IDO2: variants seen among roughly 807,000 people sequenced by gnomAD.
The protein encoded by IDO2 is indoleamine 2,3-dioxygenase 2, also known as indoleamine 2,3-dioxygenase-like 1 protein.
IDO2 carries 46 observed loss-of-function variants against 45.1 expected under a neutral mutation model. That is an observed-to-expected ratio of 1.02 (90% CI 0.80 to 1.30). IDO2 has a LOEUF of 1.30. Among genes scored for constraint, IDO2 ranks in the 50% most tolerant of loss-of-function variants. The pLI is 0.00. For missense variants in IDO2, 544 were observed against 491.8 expected, an observed-to-expected ratio of 1.11 and a Z score of -1.00; for synonymous variants, 218 against 184.9, an observed-to-expected ratio of 1.18 and a Z score of -1.45.
At chr8:39,962,781 G>A (rs1808019630) in intron 2 of IDO2, among the ~76,000 whole-genome samples, 1 of 152,156 alleles carries the variant, frequency 6.6e-6, no homozygotes, top group African/African-American at 2.4e-5. Context: ...TTCCTACTAT[G>A]CATGTGGGTG....
At chr8:39,935,153 T>C in exon 1 of IDO2, 1 of 1,601,442 alleles carries the variant, frequency 6.2e-7, no homozygotes, top group African/African-American at 1.3e-5. Flanking sequence ...AAAACCTTCT[T>C]AGGAAATGAA....
At chr8:39,967,002 G>T (rs973934253) in intron 3 of IDO2, among the ~76,000 whole-genome samples, 2 of 152,010 alleles carry the variant, frequency 1.3e-5, no homozygotes, top group African/African-American at 2.4e-5. Flanking sequence ...TATATAAAAA[G>T]AACTATTAGA....
intron 5 of IDO2, 153 bp from the exon 6 acceptor site, chr8:39,985,355 T>C: frequency 1.5e-6 from 1 of 652,300 alleles, no homozygotes; most frequent in Non-Finnish European, 2.7e-6. Flanking sequence ...AAAGTAAGTG[T>C]GGATGTGTGT....
At chr8:39,980,796 C>A (rs1808330639) in intron 4 of IDO2, among the ~76,000 whole-genome samples, 1 of 152,148 alleles carries the variant, frequency 6.6e-6, no homozygotes, top group Non-Finnish European at 1.5e-5. Context: ...GTCGCCCAGG[C>A]TAGAGTGCAG....
At chr8:39,969,221 T>C (rs1305777551) in intron 3 of IDO2, among the ~76,000 whole-genome samples, 1 of 152,236 alleles carries the variant, frequency 6.6e-6, no homozygotes, top group African/African-American at 2.4e-5. Flanking sequence ...AACCCCATTT[T>C]TCCAATAGTG....
intron 8 of IDO2, among the ~76,000 whole-genome samples, chr8:39,993,114 C>T (rs1402596914): frequency 6.6e-6 from 1 of 152,168 alleles, no homozygotes; most frequent in East Asian, 1.9e-4. Flanking sequence ...TGTCTGCATC[C>T]AGTCCTTCTT....
chr8:39,973,737 G>T (rs1278098350), intron 3 of IDO2, among the ~76,000 whole-genome samples: 2 of 98,422 alleles, frequency 2.0e-5, no homozygotes, highest in Non-Finnish European at 3.6e-5. Flanking sequence ...CTTGTGTTTC[G>T]TTTTCTTCTT....
chr8:40,013,646 T>G, exon 10 of IDO2: 4 of 1,613,666 alleles, frequency 2.5e-6, no homozygotes, highest in Non-Finnish European at 3.4e-6. Context: ...CCGGCGGGAG[T>G]GCAGCTCAGA....
intron 3 of IDO2, among the ~76,000 whole-genome samples, chr8:39,976,025 G>C (rs1482764246): frequency 3.3e-5 from 5 of 152,068 alleles, no homozygotes; most frequent in Admixed American, 2.6e-4. Flanking sequence ...TGTCCTCCAG[G>C]ATGGAGTGCA....
chr8:39,987,663 G>T, intron 6 of IDO2: 1 of 515,412 alleles, frequency 1.9e-6, no homozygotes, highest in Non-Finnish European at 3.5e-6. Context: ...CTGCCTGTCA[G>T]GTGAACATGA....
intron 2 of IDO2, among the ~76,000 whole-genome samples, chr8:39,961,063 G>T (rs564983161): frequency 1.5e-4 from 23 of 152,156 alleles, no homozygotes; most frequent in Non-Finnish European, 3.2e-4. Flanking sequence ...GATTATAGGC[G>T]TGAGCCACCG....
At chr8:39,949,391 G>T in intron 2 of IDO2, 127 bp downstream of exon 2, 1 of 671,354 alleles carries the variant, frequency 1.5e-6, no homozygotes, top group Non-Finnish European at 2.5e-6. Context: ...ACCTGAGAAA[G>T]ATGCTACAAA....
At chr8:40,008,016 GT>G (rs35025709) in intron 9 of IDO2, among the ~76,000 whole-genome samples, 66 of 118,940 alleles carry the variant, frequency 5.5e-4, no homozygotes, top group Middle Eastern at 5.3e-3. Context: ...CTTATCATGT[GT>G]TTTTTTTTTT....
intron 5 of IDO2, 85 bp from the exon 6 acceptor site, chr8:39,985,423 T>C: frequency 1.7e-6 from 2 of 1,203,524 alleles, no homozygotes; most frequent in Admixed American, 4.3e-5. Context: ...ACCCTAGAAG[T>C]TATTAATATA....
Position 39,979,145 on chromosome 8 carries a change from A to AT in IDO2, c.275dup (p.Met92IlefsTer132). Reference sequence around the variant, plus strand: ...CCACCTGGTCCTGAGCTTCCTCACCATGGGTTATGTCTGGCAGGAAGGAGA... The same window carrying AT: ...CCACCTGGTCCTGAGCTTCCTCACCATTGGGTTATGTCTGGCAGGAAGGAGA... On this transcript the variant is annotated frameshift_variant, in exon 4 of 11. Coordinates refer to ENST00000502986, the Ensembl canonical transcript of IDO2. LOFTEE classifies it high-confidence loss of function. 6.2e-7 allele frequency: 1 copy of AT among 1,602,104 alleles called. No individual in the cohort carries two copies. The highest frequency in any genetic ancestry group is 8.5e-7 in the Non-Finnish European group (1 of 1,174,792).
intron 3 of IDO2, among the ~76,000 whole-genome samples, chr8:39,978,216 C>A (rs1400654850): frequency 6.6e-6 from 1 of 152,186 alleles, no homozygotes; most frequent in African/African-American, 2.4e-5. Context: ...CGTGGCGGTG[C>A]CTGGAGATTA....
intron 2 of IDO2, among the ~76,000 whole-genome samples, chr8:39,954,966 C>A (rs1807868868): frequency 2.0e-5 from 3 of 151,498 alleles, no homozygotes; most frequent in Admixed American, 1.3e-4. Context: ...CTCCCCCTGT[C>A]TCTTTGTGTC....
chr8:39,988,172 C>A (rs75594276), intron 7 of IDO2, among the ~76,000 whole-genome samples: 6,700 of 152,200 alleles, frequency 0.044, 188 homozygotes, highest in Middle Eastern at 0.11. Context: ...TCGGAATGGA[C>A]CTTTTGTCCA....
At chr8:39,981,626 C>A (rs926081602) in intron 4 of IDO2, among the ~76,000 whole-genome samples, 2 of 152,150 alleles carry the variant, frequency 1.3e-5, no homozygotes, top group African/African-American at 4.8e-5. Flanking sequence ...TCAGAAAGTA[C>A]CTGGCTCTCC....
Sources: gnomAD v4.1 joint callset for allele counts (sites outside exome capture counted in the v4.1 genomes callset) on GRCh38, gnomAD v4.1.1 for gene constraint, MANE v1.5 for transcripts, NCBI Gene and HGNC (gene_info 2026-07-23, HGNC 2026-07-21) for gene names.